Variants in GPC5 observed in about 807,000 individuals in gnomAD.
GPC5 encodes glypican 5, also known as glypican-5.
Under a neutral mutation model 53.9 loss-of-function variants are expected in GPC5, and 47 were observed. The ratio of observed to expected loss-of-function variants is 0.87; its 90% CI spans 0.69 to 1.11. GPC5 has a LOEUF of 1.11. Among genes scored for constraint, GPC5 ranks in the 50% most tolerant of loss-of-function variants. GPC5 has a pLI of 0.00. For synonymous variants in GPC5, 286 were observed against 263.3 expected, an observed-to-expected ratio of 1.09 and a Z score of -0.84; for missense variants, 748 against 713.1, an observed-to-expected ratio of 1.05 and a Z score of -0.56.
At chr13:92,066,275 T>C (rs958470611) in intron 6 of GPC5, among the ~76,000 whole-genome samples, 2 of 152,022 alleles carry the variant, frequency 1.3e-5, no homozygotes, top group African/African-American at 4.8e-5. Context: ...AAGTGATTTA[T>C]ACAGAGAAGG....
At chr13:91,661,099 C>T (rs140886581) in intron 2 of GPC5, among the ~76,000 whole-genome samples, 1 of 152,236 alleles carries the variant, frequency 6.6e-6, no homozygotes, top group Admixed American at 6.5e-5. Context: ...TTGATACACA[C>T]TGTAAGGCAA....
At chr13:91,654,583 T>C (rs1262683124) in intron 2 of GPC5, among the ~76,000 whole-genome samples, 4 of 152,200 alleles carry the variant, frequency 2.6e-5, no homozygotes, top group Non-Finnish European at 5.9e-5. Context: ...ATATACTTTA[T>C]ACACTGTCTC....
intron 7 of GPC5, among the ~76,000 whole-genome samples, chr13:92,548,849 A>G (rs1331848794): frequency 1.3e-5 from 2 of 152,146 alleles, no homozygotes; most frequent in African/African-American, 4.8e-5. Flanking sequence ...TTCACATTAT[A>G]TGCCTGTATC....
At chr13:92,468,469 G>A (rs763812494) in intron 7 of GPC5, among the ~76,000 whole-genome samples, 6 of 152,066 alleles carry the variant, frequency 3.9e-5, no homozygotes, top group Non-Finnish European at 5.9e-5. Flanking sequence ...TAAGCAAAAT[G>A]TCTGATCTGA....
At chr13:91,897,025 T>TC (rs1465442584) in intron 5 of GPC5, among the ~76,000 whole-genome samples, 1 of 40,008 alleles carries the variant, frequency 2.5e-5, no homozygotes, top group Non-Finnish European at 4.5e-5. Flanking sequence ...TTCCTCTTCT[T>TC]CTTCCTCCTC....
At chr13:91,869,752 G>A (rs1160856470) in intron 5 of GPC5, among the ~76,000 whole-genome samples, 1 of 152,142 alleles carries the variant, frequency 6.6e-6, no homozygotes, top group Non-Finnish European at 1.5e-5. Flanking sequence ...CTGTACAGGA[G>A]GGATGGCTGG....
intron 7 of GPC5, among the ~76,000 whole-genome samples, chr13:92,610,808 A>G (rs192164283): frequency 2.6e-5 from 4 of 151,912 alleles, no homozygotes; most frequent in Admixed American, 2.6e-4. Flanking sequence ...CCCTTAGAAA[A>G]CCATCCGATT....
chr13:92,712,337 C>T (rs1361115392), intron 7 of GPC5, among the ~76,000 whole-genome samples: 1 of 151,486 alleles, frequency 6.6e-6, no homozygotes, highest in East Asian at 1.9e-4. Flanking sequence ...TACATCTAAC[C>T]CAAAATGATA....
intron 2 of GPC5, among the ~76,000 whole-genome samples, chr13:91,674,424 T>C (rs569623037): frequency 0.013 from 1,856 of 142,628 alleles, 77 homozygotes; most frequent in African/African-American, 0.047. Flanking sequence ...CACACACACA[T>C]ATATATACAC....
intron 2 of GPC5, among the ~76,000 whole-genome samples, chr13:91,587,389 A>T (rs1254098673): frequency 2.0e-5 from 3 of 152,194 alleles, no homozygotes; most frequent in Admixed American, 6.5e-5. Flanking sequence ...GTCTATATTT[A>T]TGCATAAAAT....
intron 1 of GPC5, among the ~76,000 whole-genome samples, chr13:91,403,341 A>T (rs1486528929): frequency 6.6e-6 from 1 of 152,158 alleles, no homozygotes; most frequent in African/African-American, 2.4e-5. Flanking sequence ...GGTAGTAGGT[A>T]GTTGGGAGGG....
chr13:92,330,166 A>G (rs2043279221), intron 7 of GPC5, among the ~76,000 whole-genome samples: 1 of 152,170 alleles, frequency 6.6e-6, no homozygotes, highest in South Asian at 2.1e-4. Flanking sequence ...TAGGTTGGTA[A>G]ACTGAGAAGG....
chr13:91,520,009 A>C (rs959615339), intron 2 of GPC5, among the ~76,000 whole-genome samples: 8 of 152,214 alleles, frequency 5.3e-5, no homozygotes, highest in Non-Finnish European at 1.2e-4. Flanking sequence ...CAATAAATAG[A>C]AATTGCTAAT....
chr13:92,077,921 G>T (rs1271077193), intron 6 of GPC5, among the ~76,000 whole-genome samples: 1 of 152,102 alleles, frequency 6.6e-6, no homozygotes, highest in South Asian at 2.1e-4. Flanking sequence ...GATAGACGTA[G>T]ATATAGATAG....
intron 7 of GPC5, among the ~76,000 whole-genome samples, chr13:92,443,140 C>T (rs1315527942): frequency 1.3e-5 from 2 of 152,128 alleles, no homozygotes; most frequent in Admixed American, 1.3e-4. Context: ...GCAGGCATGT[C>T]ACATGGTGTG....
chr13:92,009,837 A>C (rs190635791), intron 6 of GPC5, among the ~76,000 whole-genome samples: 2 of 152,254 alleles, frequency 1.3e-5, no homozygotes, highest in Admixed American at 1.3e-4. Flanking sequence ...CTTTTCTCAC[A>C]GGTCATAGTT....
intron 7 of GPC5, among the ~76,000 whole-genome samples, chr13:92,653,751 G>A (rs1206932524): frequency 6.6e-6 from 1 of 152,144 alleles, no homozygotes; most frequent in East Asian, 1.9e-4. Flanking sequence ...GCAGAAATCA[G>A]GCACTGCCAA....
chr13:92,593,817 G>C (rs1187089609), intron 7 of GPC5, among the ~76,000 whole-genome samples: 1 of 152,266 alleles, frequency 6.6e-6, no homozygotes, highest in African/African-American at 2.4e-5. Flanking sequence ...CAAGTAAGAC[G>C]TAACCTTGAC....
At chr13:92,451,500 G>A (rs769319914) in intron 7 of GPC5, among the ~76,000 whole-genome samples, 19 of 151,560 alleles carry the variant, frequency 1.3e-4, no homozygotes, top group Non-Finnish European at 2.2e-4. Context: ...AAAAAACACC[G>A]AAATAATTTT....
Sources: allele counts gnomAD v4.1 joint callset (sites outside exome capture counted in the v4.1 genomes callset), GRCh38; gene constraint gnomAD v4.1.1; transcripts MANE v1.5; gene names NCBI Gene and HGNC (gene_info 2026-07-23, HGNC 2026-07-21).